The following MTCL2 variants were observed in gnomAD, a reference collection of about 807,000 sequenced individuals.
MTCL2 encodes microtubule cross-linking factor 2.
chr20:36,830,744 G>A, the MTCL2 span, among the ~76,000 whole-genome samples: 13 of 152,146 alleles, frequency 8.5e-5, no homozygotes, highest in Admixed American at 7.9e-4. Flanking sequence ...TAAAATGAAC[G>A]CAGTGATAAC....
the MTCL2 span, among the ~76,000 whole-genome samples, chr20:36,837,308 CAG>C: frequency 6.6e-6 from 1 of 152,188 alleles, no homozygotes; most frequent in Admixed American, 6.5e-5. Flanking sequence ...CGAAGACAGG[CAG>C]GGGGACATCC....
At chr20:36,785,211 A>AC in the MTCL2 span, 1 of 985,324 alleles carries the variant, frequency 1.0e-6, no homozygotes. Context: ...TCCAAAGCTG[A>AC]CCAGGAGGCC....
the MTCL2 span, among the ~76,000 whole-genome samples, chr20:36,845,943 A>G: frequency 6.6e-6 from 1 of 151,994 alleles, no homozygotes; most frequent in Non-Finnish European, 1.5e-5. Context: ...AGACCCCCTA[A>G]CTGTGTGGAA....
chr20:36,791,033 T>C, the MTCL2 span, among the ~76,000 whole-genome samples: 1 of 151,792 alleles, frequency 6.6e-6, no homozygotes, highest in Admixed American at 6.6e-5. Flanking sequence ...TTAAAACATT[T>C]ATATTTTTTT....
chr20:36,810,873 C>T, the MTCL2 span, among the ~76,000 whole-genome samples: 1 of 152,112 alleles, frequency 6.6e-6, no homozygotes, highest in African/African-American at 2.4e-5. Flanking sequence ...GCACCCGCCA[C>T]CACGCCTGGC....
At chr20:36,793,738 A>G in the MTCL2 span, 10,278 of 1,542,912 alleles carry the variant, frequency 6.7e-3, 629 homozygotes, top group African/African-American at 0.12. This position sits in a 1 kb window ranked among gnomAD's most constrained non-coding sequence, Gnocchi z 6.8. Context: ...GCTTGGACAC[A>G]GACCGCCTCT....
At chr20:36,859,681 C>A in the MTCL2 span, 1 of 1,231,784 alleles carries the variant, frequency 8.1e-7, no homozygotes, top group Non-Finnish European at 1.0e-6. Flanking sequence ...AGATCACAGT[C>A]CTTCGCAGTT....
At chr20:36,787,222 C>T in the MTCL2 span, among the ~76,000 whole-genome samples, 2 of 151,844 alleles carry the variant, frequency 1.3e-5, no homozygotes, top group East Asian at 3.9e-4. Flanking sequence ...ATACCCAATT[C>T]GCTTTTTTTA....
the MTCL2 span, among the ~76,000 whole-genome samples, chr20:36,848,109 A>G: frequency 6.6e-6 from 1 of 152,228 alleles, no homozygotes; most frequent in African/African-American, 2.4e-5. Context: ...TGAGTGCACC[A>G]CTGCACTCCA....
the MTCL2 span, among the ~76,000 whole-genome samples, chr20:36,851,721 TTTTA>T: frequency 6.6e-6 from 1 of 152,230 alleles, no homozygotes; most frequent in South Asian, 2.1e-4. Flanking sequence ...ATACTCAGCG[TTTTA>T]TTTGTCTGTT....
the MTCL2 span, among the ~76,000 whole-genome samples, chr20:36,832,379 A>G: frequency 6.6e-6 from 1 of 152,192 alleles, no homozygotes; most frequent in African/African-American, 2.4e-5. Context: ...CCCATCAAGA[A>G]GTCACAATCC....
the MTCL2 span, chr20:36,815,494 C>T: frequency 3.1e-6 from 5 of 1,588,516 alleles, no homozygotes; most frequent in East Asian, 2.3e-5. This position sits in a 1 kb window ranked among gnomAD's most constrained non-coding sequence, Gnocchi z 5.3. Context: ...AGCACCTCGG[C>T]CTCCCTGGCT....
chr20:36,862,884 AC>A, the MTCL2 span: 1 of 1,239,438 alleles, frequency 8.1e-7, no homozygotes, highest in East Asian at 3.7e-5. Context: ...CCCCGTACGG[AC>A]CCCCGCCGGG....
At chr20:36,815,365 G>A in the MTCL2 span, 20 of 1,613,438 alleles carry the variant, frequency 1.2e-5, no homozygotes, top group South Asian at 3.3e-5. This position sits in a 1 kb window ranked among gnomAD's most constrained non-coding sequence, Gnocchi z 5.3. Context: ...TCATGCAGCC[G>A]GAAGTCAGCA....
At chr20:36,803,308 T>G in the MTCL2 span, among the ~76,000 whole-genome samples, 15 of 152,248 alleles carry the variant, frequency 9.9e-5, no homozygotes, top group Non-Finnish European at 1.8e-4. Context: ...TGAAGAGCTC[T>G]TTCTATAAGC....
At chr20:36,821,750 T>C in the MTCL2 span, among the ~76,000 whole-genome samples, 1 of 152,186 alleles carries the variant, frequency 6.6e-6, no homozygotes, top group Non-Finnish European at 1.5e-5. Flanking sequence ...CACGTTTACA[T>C]TTAAATACAC....
At chr20:36,839,053 C>T in the MTCL2 span, among the ~76,000 whole-genome samples, 7 of 152,002 alleles carry the variant, frequency 4.6e-5, no homozygotes. The surrounding 1 kb of genome is among the most constrained non-coding windows in gnomAD (Gnocchi z 5.1). Context: ...TGATAGAAGC[C>T]CTGTGGGTTC....
chr20:36,846,989 G>C, the MTCL2 span, among the ~76,000 whole-genome samples: 1 of 152,208 alleles, frequency 6.6e-6, no homozygotes, highest in African/African-American at 2.4e-5. Flanking sequence ...CAGCCTGGGC[G>C]ACAGAGACAG....
chr20:36,794,396 G>T, the MTCL2 span: 2 of 1,613,660 alleles, frequency 1.2e-6, no homozygotes, highest in Admixed American at 1.7e-5. This position sits in a 1 kb window ranked among gnomAD's most constrained non-coding sequence, Gnocchi z 5.4. Context: ...GTCCTGGCAG[G>T]CCAGGGCACC....
Sources: gnomAD v4.1 joint callset for allele counts (sites outside exome capture counted in the v4.1 genomes callset) on GRCh38, gnomAD v4.1.1 for gene constraint, Gnocchi (gnomAD v3.1) non-coding constraint, MANE v1.5 for transcripts, NCBI Gene and HGNC (gene_info 2026-07-23, HGNC 2026-07-21) for gene names.